Variants in LCMT1 observed in about 807,000 individuals in gnomAD.
The protein encoded by LCMT1 is [Phosphatase 2A protein]-leucine-carboxy methyltransferase 1.
LCMT1 carries 32 observed loss-of-function variants against 47.7 expected under a neutral mutation model. The observed-to-expected ratio is 0.67, with a 90% CI of 0.51 to 0.90. The LOEUF is 0.90. Ranked by LOEUF, LCMT1 falls within the 40% of genes least tolerant of loss-of-function variation. LCMT1 has a pLI of 0.00. For synonymous variants in LCMT1, 152 were observed against 149.7 expected (o/e 1.02, Z -0.11); for missense variants, 375 against 415.2 (o/e 0.90, Z 0.84).
At chr16:25,149,012 G>A (rs932079572) in intron 4 of LCMT1, 1 of 152,202 alleles carries the variant, frequency 6.6e-6, no homozygotes, top group Admixed American at 6.5e-5. Context: ...GGGCATGTAG[G>A]CTGAGCTGGG....
In LCMT1 at chr16:25,132,470, T is replaced by C. The variant is rs749592749; in HGVS notation, c.274T>C (p.Cys92Arg). The change falls in exon 3 of 11, where the codon TGT becomes CGT. Residue 92 changes from cysteine to arginine, a missense_variant. Cys to Arg is a radical substitution (Grantham distance 180). Transcript: ENST00000399069. ...KAFLRKTECH[C>R]QIVNLGAGMD... ...ATTTCTACGGAAGACAGAATGTCATTGTCAAATTGTCAACCTTGGGGCAGG... is the reference window on the plus strand; with the variant it reads ...ATTTCTACGGAAGACAGAATGTCATCGTCAAATTGTCAACCTTGGGGCAGG... 6.2e-7 allele frequency: 1 copy of C among 1,613,928 alleles called. No homozygotes were observed. Among genetic ancestry groups the C allele is most frequent in the Non-Finnish European group, 8.5e-7 (1 of 1,179,832 alleles).
At chr16:25,120,292 C>T (rs912829116) in intron 1 of LCMT1, among the ~76,000 whole-genome samples, 17 of 151,486 alleles carry the variant, frequency 1.1e-4, no homozygotes, top group South Asian at 6.3e-4. Flanking sequence ...GGTGCGATCT[C>T]GGGTCACTGC....
chr16:25,133,346 A>G (rs1266735768), intron 3 of LCMT1, among the ~76,000 whole-genome samples: 2 of 150,036 alleles, frequency 1.3e-5, no homozygotes, highest in Admixed American at 6.6e-5. Context: ...TCTCAGAGGG[A>G]AAGAAAACTG....
chr16:25,111,987 T>G lies in LCMT1; in HGVS notation c.104T>G (p.Leu35Arg), dbSNP rs780514287. The change falls in exon 1 of 11, where the codon CTG (leucine) becomes CGG (arginine). Residue 35 changes from leucine (L) to arginine (R), a missense_variant. By Grantham distance (102) the Leu-to-Arg change is moderately radical. Transcript: ENST00000399069. ...GVRGTCEDAS[L>R]CKRFAVSIGY... ...CGCGGCACCTGCGAAGATGCTTCCC[T>G]GTGCAAGAGGTGCCTGTCGGGCGCG... The G allele has an allele frequency of 1.9e-6, 3 of 1,612,370 alleles. No individual in the cohort carries two copies. The highest frequency in any genetic ancestry group is 2.2e-5 in the East Asian group (1 of 44,874).
At chr16:25,156,617 T>C (rs751814446) in intron 5 of LCMT1, among the ~76,000 whole-genome samples, 1 of 152,174 alleles carries the variant, frequency 6.6e-6, no homozygotes, top group South Asian at 2.1e-4. Context: ...TGGCTGGGGC[T>C]CGGGTGGCAG....
intron 6 of LCMT1, among the ~76,000 whole-genome samples, chr16:25,163,867 G>A (rs1173506254): frequency 6.6e-6 from 1 of 152,152 alleles, no homozygotes; most frequent in African/African-American, 2.4e-5. Context: ...CTGCAGTTTG[G>A]GCTGGGCTTA....
intron 9 of LCMT1, among the ~76,000 whole-genome samples, chr16:25,173,536 G>A (rs556260037): frequency 3.3e-5 from 5 of 152,212 alleles, no homozygotes; most frequent in African/African-American, 7.2e-5. Flanking sequence ...CTGGGTGTAC[G>A]TGCACACATA....
chr16:25,148,548 G>A (rs1472453885), intron 4 of LCMT1, among the ~76,000 whole-genome samples: 3 of 152,182 alleles, frequency 2.0e-5, no homozygotes, highest in East Asian at 1.9e-4. Context: ...CGTCCTGCAC[G>A]GGTGTCTGTT....
chr16:25,156,751 T>TA (rs1183142283), intron 5 of LCMT1, among the ~76,000 whole-genome samples: 3 of 152,164 alleles, frequency 2.0e-5, no homozygotes, highest in African/African-American at 4.8e-5. Context: ...CTGTAGAACT[T>TA]ACCACACTTG....
At chr16:25,120,654 C>T (rs1959946914) in intron 1 of LCMT1, among the ~76,000 whole-genome samples, 1 of 151,654 alleles carries the variant, frequency 6.6e-6, no homozygotes, top group African/African-American at 2.4e-5. Flanking sequence ...TTCTCGAACT[C>T]CTGACCTCAT....
At chr16:25,148,687 A>C (rs937621990) in intron 4 of LCMT1, 5 of 152,258 alleles carry the variant, frequency 3.3e-5, no homozygotes, top group Non-Finnish European at 7.3e-5. Flanking sequence ...AGTCTTGCAG[A>C]GACCAGAGGA....
chr16:25,132,270 T>C, intron 2 of LCMT1, 132 bp from the exon 3 acceptor site: 1 of 1,118,822 alleles, frequency 8.9e-7, no homozygotes, highest in Non-Finnish European at 1.3e-6. Flanking sequence ...CCATAGAGTC[T>C]GCAGATTAAC....
chr16:25,153,023 AC>A (rs1355369517), intron 5 of LCMT1, among the ~76,000 whole-genome samples: 1 of 152,096 alleles, frequency 6.6e-6, no homozygotes, highest in East Asian at 1.9e-4. Context: ...CACAGGTAAC[AC>A]CGTGGGCATC....
In LCMT1 at chr16:25,164,717, A is replaced by C; in HGVS notation, c.689A>C (p.Gln230Pro). 1 of 1,614,016 alleles carries C rather than the reference A, an allele frequency of 6.2e-7. No homozygotes were observed. Among genetic ancestry groups the C allele is most frequent in the Non-Finnish European group, 8.5e-7 (1 of 1,179,860 alleles). ...FERAMFINYE[Q>P]VNMGDRFGQI... is the part of the protein sequence containing the mutation. ...AGAGCCATGTTCATAAACTACGAAC[A>C]GGTAAAAGGAAGCACAGGAGAACTG... Residue 230 changes from glutamine (Q) to proline (P), a missense_variant and splice_region_variant, in exon 7 of 11, where the codon CAG (glutamine) becomes CCG (proline). By Grantham distance (76) the Gln-to-Pro change is moderately conservative. Coordinates refer to ENST00000399069, the MANE Select transcript of LCMT1 (RefSeq NM_016309.3).
intron 1 of LCMT1, among the ~76,000 whole-genome samples, chr16:25,121,086 A>G (rs77028602): frequency 6.6e-6 from 1 of 151,458 alleles, no homozygotes; most frequent in Non-Finnish European, 1.5e-5. Flanking sequence ...TAAGGAGCAG[A>G]TTAAATTTTG....
rs111634860 is a variant in LCMT1, at chr16:25,160,168, C to T, written c.467-934C>T. 8.8e-3 allele frequency among the ~76,000 whole-genome samples: 1,337 copies of T among 152,206 alleles called. 19 individuals carry two copies. Among genetic ancestry groups the T allele is most frequent in the African/African-American group, 0.031 (1,272 of 41,538 alleles). On this transcript the variant is annotated intron_variant, in intron 5 of 10. Coordinates refer to ENST00000399069, the MANE Select transcript of LCMT1 (RefSeq NM_016309.3). The stretch of plus-strand genomic sequence containing the variant: ...TTTACCATGTTGGCCAGGATGGTCT[C>T]GATCTCCTGACCTTGTGATCCACCC...
At chr16:25,145,530 A>G (rs1481361840) in intron 4 of LCMT1, 3 of 152,232 alleles carry the variant, frequency 2.0e-5, no homozygotes, top group Non-Finnish European at 4.4e-5. Context: ...CTTGAAGTGT[A>G]GTAGAGTGAA....
chr16:25,176,782 G>A (rs187802903), intron 10 of LCMT1, among the ~76,000 whole-genome samples: 81 of 150,238 alleles, frequency 5.4e-4, no homozygotes, highest in African/African-American at 1.9e-3. Flanking sequence ...GGCTGGTCTC[G>A]AACTCCTGAC....
chr16:25,114,828 C>T (rs1220201143), intron 1 of LCMT1, among the ~76,000 whole-genome samples: 2 of 152,114 alleles, frequency 1.3e-5, no homozygotes, highest in South Asian at 2.1e-4. Context: ...CTGTGTGTCT[C>T]CCGCGTCTCA....
Sources: allele counts gnomAD v4.1 joint callset (sites outside exome capture counted in the v4.1 genomes callset), GRCh38; gene constraint gnomAD v4.1.1; transcripts MANE v1.5; gene names NCBI Gene and HGNC (gene_info 2026-07-23, HGNC 2026-07-21).